The following RAG2 variants were observed in gnomAD, a reference collection of about 807,000 sequenced individuals.
RAG2 encodes the protein V(D)J recombination-activating protein 2.
A neutral mutation model predicts 31.8 loss-of-function variants in RAG2; 16 were observed. The ratio of observed to expected loss-of-function variants is 0.50; its 90% CI spans 0.34 to 0.76. The LOEUF (loss-of-function observed/expected upper bound fraction) is 0.76, where lower values mean the gene tolerates loss of function less well. Among genes scored for constraint, RAG2 ranks in the 30% least tolerant of loss-of-function variants. The pLI, the probability that RAG2 is intolerant of heterozygous loss-of-function variation, is 0.01. For synonymous variants in RAG2, 199 were observed against 215.9 expected (o/e 0.92, Z 0.68); for missense variants, 622 against 628.5 (o/e 0.99, Z 0.11).
At chr11:36,597,506 T>C (rs1460984984) in intron 1 of RAG2, 2 of 152,204 alleles carry the variant, frequency 1.3e-5, no homozygotes, top group Non-Finnish European at 2.9e-5. Flanking sequence ...CCCAACCCCA[T>C]GCTAACATTC....
rs1292815657 is a variant in RAG2, at chr11:36,593,821, G to T, written c.348C>A (p.Asn116Lys). The change falls in exon 2 of 2, where the codon AAC becomes AAA. Residue 116 changes from asparagine to lysine, a missense_variant. Transcript: ENST00000311485. The stretch of plus-strand genomic sequence containing the variant: ...TGCAGCGAAAAGTAACCTTTTTGTT[G>T]TTCTTGCAAACAATAGACATGACAT... ...KIYVMSIVCK[N>K]NKKVTFRCTE... The T allele has an allele frequency of 1.2e-6, 2 of 1,614,148 alleles. No homozygotes were observed. Among genetic ancestry groups the T allele is most frequent in the Non-Finnish European group, 8.5e-7 (1 of 1,180,000 alleles).
At chr11:36,594,282 T>C (rs1851115215) in intron 1 of RAG2, 87 bp from the exon 2 acceptor site, 4 of 893,242 alleles carry the variant, frequency 4.5e-6, no homozygotes, top group Non-Finnish European at 5.4e-6. Context: ...TAGCATTTTT[T>C]TAAGTCCTCC....
chr11:36,593,933 G>A lies in RAG2; in HGVS notation c.236C>T (p.Thr79Ile). Residue 79 changes from threonine to isoleucine, a missense_variant, in exon 2 of 2, where the codon ACA becomes ATA. By Grantham distance (89) the Thr-to-Ile change is moderately conservative. Coordinates refer to ENST00000311485, the MANE Select transcript of RAG2 (RefSeq NM_000536.4). The stretch of plus-strand genomic sequence containing the variant: ...TTCAGACTCCAAGCTGCCTTTGAAT[G>A]TGCAAGTGGCTGGGTAGCGAAGAGG... ...LPPLRYPATC[T>I]FKGSLESEKH... 6.2e-7 allele frequency: 1 copy of A among 1,614,212 alleles called. No individual in the cohort carries two copies. Among genetic ancestry groups the A allele is most frequent in the Non-Finnish European group, 8.5e-7 (1 of 1,180,012 alleles).
Position 36,594,016 on chromosome 11 carries a change from C to G in RAG2, c.153G>C (p.Lys51Asn). The change falls in exon 2 of 2, where the codon AAG becomes AAC. Residue 51 changes from lysine (K) to asparagine (N), a missense_variant. Physicochemically the swap from Lys to Asn is moderately conservative, Grantham distance 94. Coordinates refer to ENST00000311485, the MANE Select transcript of RAG2 (RefSeq NM_000536.4). ...CPTGVFHLDV[K>N]HNHVKLKPTI... ...TAGGCTTCAGTTTGACATGGTTATG[C>G]TTTACATCCAGATGGAAAACTCCAG... is the stretch of plus-strand genomic sequence containing the variant. 6.2e-7 allele frequency: 1 copy of G among 1,614,132 alleles called. No individual in the cohort carries two copies. Among genetic ancestry groups the G allele is most frequent in the Non-Finnish European group, 8.5e-7 (1 of 1,180,018 alleles).
Position 36,592,598 on chromosome 11 carries a change from C to T in RAG2, c.1571G>A (p.Arg524Lys). 6.2e-7 allele frequency: 1 copy of T among 1,613,952 alleles called. No homozygotes were observed. The highest frequency in any genetic ancestry group is 8.5e-7 in the Non-Finnish European group (1 of 1,179,924). The change falls in exon 2 of 2, where the codon AGG (arginine) becomes AAG (lysine). Residue 524 changes from arginine to lysine, a missense_variant. Physicochemically the swap from Arg to Lys is conservative, Grantham distance 26. Transcript: ENST00000311485. Reference sequence around the variant, plus strand: ...GCTTTTGCAAAACTAATCAAACAACCTTCTAAGAAAGGATTTCTTGGCAGG... The same window carrying T: ...GCTTTTGCAAAACTAATCAAACAACTTTCTAAGAAAGGATTTCTTGGCAGG... ...LTPAKKSFLR[R>K]LFD is the part of the protein sequence containing the mutation.
In RAG2 at chr11:36,592,954, A is replaced by T. The variant is rs1269342707; in HGVS notation, c.1215T>A (p.Asp405Glu). Reference protein sequence around the residue: ...GDDEFDTYNEDDEEDESETGY... With the variant: ...GDDEFDTYNEEDEEDESETGY... ...CTGTCTCAGACTCATCTTCTTCATC[A>T]TCTTCATTATAGGTGTCAAATTCAT... The change falls in exon 2 of 2, where the codon GAT becomes GAA. Residue 405 changes from aspartate (D) to glutamate (E), a missense_variant. Transcript: ENST00000311485. 6.2e-7 allele frequency: 1 copy of T among 1,614,108 alleles called. No individual in the cohort carries two copies. The highest frequency in any genetic ancestry group is 8.5e-7 in the Non-Finnish European group (1 of 1,180,026).
downstream of RAG2, among the ~76,000 whole-genome samples, chr11:36,591,566 A>G (rs1851021009): frequency 6.6e-6 from 1 of 151,354 alleles, no homozygotes; most frequent in South Asian, 2.1e-4. Context: ...TGATTTTATA[A>G]TATTCACTGG....
rs1851065829 is a variant in RAG2 at position 36,593,183 on chromosome 11, A to C, written c.986T>G (p.Leu329Arg). ...GSNMGNGTVF[L>R]GIPGDNKQVV... is the part of the protein sequence containing the mutation. Reference sequence around the variant, plus strand: ...TTGTTTATTGTCTCCTGGTATGCCAAGAAAAACAGTTCCATTTCCCATGTT... The same window carrying C: ...TTGTTTATTGTCTCCTGGTATGCCACGAAAAACAGTTCCATTTCCCATGTT... The change falls in exon 2 of 2, where the codon CTT becomes CGT. Residue 329 changes from leucine (L) to arginine (R), a missense_variant. Physicochemically the swap from Leu to Arg is moderately radical, Grantham distance 102. Coordinates refer to ENST00000311485, the MANE Select transcript of RAG2 (RefSeq NM_000536.4). The C allele has an allele frequency of 2.5e-6, 4 of 1,614,238 alleles. No homozygotes were observed. Among genetic ancestry groups the C allele is most frequent in the Non-Finnish European group, 3.4e-6 (4 of 1,180,040 alleles).
chr11:36,595,206 A>G (rs1404948029), intron 1 of RAG2: 3 of 152,206 alleles, frequency 2.0e-5, no homozygotes, highest in African/African-American at 7.2e-5. Context: ...CTAGGAAAAT[A>G]GAGTTAGTGG....
chr11:36,595,925 T>C (rs1223252158), intron 1 of RAG2, among the ~76,000 whole-genome samples: 1 of 152,176 alleles, frequency 6.6e-6, no homozygotes, highest in East Asian at 1.9e-4. Context: ...TGGATAAACA[T>C]ATATGATGAG....
At chr11:36,595,991 G>T (rs1450096061) in intron 1 of RAG2, among the ~76,000 whole-genome samples, 1 of 152,184 alleles carries the variant, frequency 6.6e-6, no homozygotes, top group Non-Finnish European at 1.5e-5. Flanking sequence ...TATTCTTCTT[G>T]TCACCCTTTG....
At chr11:36,596,007 CTG>C (rs1333461249) in intron 1 of RAG2, among the ~76,000 whole-genome samples, 2 of 152,146 alleles carry the variant, frequency 1.3e-5, no homozygotes, top group Admixed American at 6.5e-5. Context: ...CTTTGTCTAA[CTG>C]GGGATAATCT....
intron 1 of RAG2, 108 bp from the exon 2 acceptor site, chr11:36,594,303 C>A: frequency 1.3e-6 from 1 of 749,758 alleles, no homozygotes; most frequent in South Asian, 1.5e-5. Flanking sequence ...CACACGCTTG[C>A]AGTGGGACTG....
Position 36,593,789 on chromosome 11 carries a change from T to G in RAG2, c.380A>C (p.Lys127Thr). 1.2e-6 allele frequency: 2 copies of G among 1,614,208 alleles called. No homozygotes were observed. The highest frequency in any genetic ancestry group is 2.7e-5 in the African/African-American group (2 of 75,066). ...TTCAGGAACATCTCCTACCAAGTCTTTCTCTGTGCAGCGAAAAGTAACCTT... is the reference window on the plus strand; with the variant it reads ...TTCAGGAACATCTCCTACCAAGTCTGTCTCTGTGCAGCGAAAAGTAACCTT... ...NKKVTFRCTEKDLVGDVPEAR... is the reference protein window; with the variant it reads ...NKKVTFRCTETDLVGDVPEAR... Residue 127 changes from lysine (K) to threonine (T), a missense_variant, in exon 2 of 2, where the codon AAA becomes ACA. Transcript: ENST00000311485.
chr11:36,593,635 G>A lies in RAG2; in HGVS notation c.534C>T (p.Cys178=). 1.2e-6 allele frequency: 2 copies of A among 1,614,160 alleles called. No homozygotes were observed. Among genetic ancestry groups the A allele is most frequent in the East Asian group, 2.2e-5 (1 of 44,880 alleles). ...AATCCACCAGGAAAACACAGGGCAG[G>A]CAGTCAGCTACACTATTCCATTTTT... ...TTEKWNSVAD[C]LPCVFLVDFE... is the part of the protein sequence containing the mutation. Residue 178 remains cysteine (C), a synonymous_variant, in exon 2 of 2, where the codon TGC becomes TGT. Coordinates refer to ENST00000311485, the MANE Select transcript of RAG2 (RefSeq NM_000536.4).
rs779879427 is a variant in RAG2, at chr11:36,593,726, C to T, written c.443G>A (p.Arg148Gln). 6.8e-6 allele frequency: 11 copies of T among 1,614,030 alleles called. 1 individual carries two copies. In the East Asian group the frequency reaches 1.1e-4, roughly 16 times the overall value. ...AAAGAGAACACCCATACTTTTCCCT[C>T]GGCTGTACACCACATTAATGGAATG... ...YGHSINVVYS[R>Q]GKSMGVLFGG... Residue 148 changes from arginine to glutamine, a missense_variant, in exon 2 of 2, where the codon CGA (arginine) becomes CAA (glutamine). Physicochemically the swap from Arg to Gln is conservative, Grantham distance 43 (BLOSUM62 1). Transcript: ENST00000311485.
chr11:36,592,917 T>TAGGGCAC lies in RAG2; in HGVS notation c.1251_1252insGTGCCCT (p.Thr418ValfsTer9). 6.2e-7 allele frequency: 1 copy of TAGGGCAC among 1,614,210 alleles called. No homozygotes were observed. Among genetic ancestry groups the TAGGGCAC allele is most frequent in the Non-Finnish European group, 8.5e-7 (1 of 1,180,040 alleles). The stretch of plus-strand genomic sequence containing the variant: ...TCCACATCACAAGTAGGGCAGCATG[T>TAGGGCAC]AATCCAGTAGCCTGTCTCAGACTCA... On this transcript the variant is annotated frameshift_variant, in exon 2 of 2. Transcript: ENST00000311485. LOFTEE classifies it high-confidence loss of function.
chr11:36,593,362 A>T lies in RAG2; in HGVS notation c.807T>A (p.Asp269Glu). The change falls in exon 2 of 2, where the codon GAT (aspartate) becomes GAA (glutamate). Residue 269 changes from aspartate to glutamate, a missense_variant. Physicochemically the swap from Asp to Glu is conservative, Grantham distance 45 (BLOSUM62 2). Transcript: ENST00000311485. ...SSAILTQTNN[D>E]EFVIVGGYQL... is the part of the protein sequence containing the mutation. Reference sequence around the variant, plus strand: ...GATAGCCACCAACAATAACAAATTCATCATTGTTAGTTTGAGTCAGGATTG... The same window carrying T: ...GATAGCCACCAACAATAACAAATTCTTCATTGTTAGTTTGAGTCAGGATTG... 2 of 1,614,130 alleles carry T rather than the reference A, an allele frequency of 1.2e-6. No homozygotes were observed. Among genetic ancestry groups the T allele is most frequent in the Non-Finnish European group, 1.7e-6 (2 of 1,180,018 alleles).
chr11:36,596,399 T>C (rs1466813383), intron 1 of RAG2, among the ~76,000 whole-genome samples: 1 of 152,162 alleles, frequency 6.6e-6, no homozygotes, highest in African/African-American at 2.4e-5. Flanking sequence ...GAAGGATTAT[T>C]ATCAAAGTTA....
Sources: gnomAD v4.1 joint callset for allele counts (sites outside exome capture counted in the v4.1 genomes callset) on GRCh38, gnomAD v4.1.1 for gene constraint, MANE v1.5 for transcripts, NCBI Gene and HGNC (gene_info 2026-07-23, HGNC 2026-07-21) for gene names.